The following SPG7 variants were observed in gnomAD, a reference collection of about 807,000 sequenced individuals.
SPG7 encodes SPG7 matrix AAA peptidase subunit, paraplegin.
Under a neutral mutation model 81.9 loss-of-function variants are expected in SPG7, and 103 were observed. That is an observed-to-expected ratio of 1.26 (90% CI 1.07 to 1.48). The LOEUF (loss-of-function observed/expected upper bound fraction) is 1.48, where lower values mean the gene tolerates loss of function less well. SPG7 is among the 40% of genes most tolerant of loss of function. The probability of loss-of-function intolerance (pLI) is 0.00; values close to 1 mark genes in which losing one functional copy is unlikely to be tolerated. For synonymous variants in SPG7, 534 were observed against 444.2 expected (o/e 1.20, Z -2.54); for missense variants, 1,241 against 1,087.3 (o/e 1.14, Z -1.99).
At chr16:89,510,826 G>A (rs374938916) in intron 2 of SPG7, among the ~76,000 whole-genome samples, 6 of 152,088 alleles carry the variant, frequency 3.9e-5, no homozygotes, top group Non-Finnish European at 7.4e-5. Context: ...CGTCACACTC[G>A]GCTAATTGTT....
At chr16:89,531,275 GC>G (rs1312651075) in intron 7 of SPG7, 1 of 266,792 alleles carries the variant, frequency 3.7e-6, no homozygotes, top group African/African-American at 2.2e-5. Flanking sequence ...TGTAGTCCTG[GC>G]ACCTCGGGGC....
intron 3 of SPG7, among the ~76,000 whole-genome samples, chr16:89,513,929 T>C (rs1213395432): frequency 3.3e-5 from 5 of 152,194 alleles, no homozygotes; most frequent in African/African-American, 1.2e-4. Context: ...GGATTATTAT[T>C]GTGAATTCGA....
chr16:89,528,618 T>C (rs2152401568), intron 5 of SPG7: 1 of 150,204 alleles, frequency 6.7e-6, no homozygotes, highest in East Asian at 2.0e-4. Flanking sequence ...TTTTTTTTTT[T>C]TTTTTGGAGT....
At chr16:89,552,839 CCT>C in intron 13 of SPG7, 138 bp from the exon 14 acceptor site, 6 of 776,276 alleles carry the variant, frequency 7.7e-6, no homozygotes, top group Non-Finnish European at 1.1e-5. Flanking sequence ...GTTAGGATCC[CCT>C]GTTGTTGTAG....
At position 89,544,723 on chromosome 16, in the gene SPG7, G is replaced by C. The variant is rs2058541365; in HGVS notation, c.1400G>C (p.Arg467Thr). The C allele has an allele frequency of 1.2e-6, 2 of 1,614,116 alleles. No homozygotes were observed. Among genetic ancestry groups the C allele is most frequent in the Non-Finnish European group, 1.7e-6 (2 of 1,180,010 alleles). The change falls in exon 10 of 17, where the codon AGG becomes ACG. Residue 467 changes from arginine to threonine, a missense_variant. Physicochemically the swap from Arg to Thr is moderately conservative, Grantham distance 71. Coordinates refer to ENST00000645818, the MANE Select transcript of SPG7 (RefSeq NM_003119.4). ...RADILDGALM[R>T]PGRLDRHVFI... is the part of the protein sequence containing the mutation. Reference sequence around the variant, plus strand: ...GACATTTTGGACGGTGCTCTGATGAGGCCAGGCCGACTGGACCGGCACGTC... The same window carrying C: ...GACATTTTGGACGGTGCTCTGATGACGCCAGGCCGACTGGACCGGCACGTC...
At chr16:89,526,590 G>A in intron 5 of SPG7, 122 bp downstream of exon 5, 2 of 1,023,934 alleles carry the variant, frequency 2.0e-6, no homozygotes, top group Non-Finnish European at 3.1e-6. Flanking sequence ...CTTTTTAGTG[G>A]GAGGGTTAAA....
intron 12 of SPG7, chr16:89,549,609 AGTGAGCC>A (rs1188247970): frequency 4.1e-6 from 1 of 242,664 alleles, no homozygotes; most frequent in Non-Finnish European, 8.2e-6. Context: ...TTGAAGCAAC[AGTGAGCC>A]GTGATCGCAC....
In SPG7 at chr16:89,556,966, C is replaced by T. The variant is rs758721226; in HGVS notation, c.2261C>T (p.Pro754Leu). The T allele has an allele frequency of 3.7e-5, 60 of 1,613,910 alleles. 1 individual carries two copies. Among genetic ancestry groups the T allele is most frequent in the South Asian group, 3.5e-4 (32 of 91,090 alleles). The change falls in exon 17 of 17, where the codon CCG becomes CTG. Residue 754 changes from proline (P) to leucine (L), a missense_variant. Transcript: ENST00000645818. ...EALIGPPPHG[P>L]KKMIAPQRWI... is the part of the protein sequence containing the mutation. Reference sequence around the variant, plus strand: ...CTCATTGGCCCGCCGCCCCATGGGCCGAAGAAAATGATCGCACCGCAGAGG... The same window carrying T: ...CTCATTGGCCCGCCGCCCCATGGGCTGAAGAAAATGATCGCACCGCAGAGG...
At chr16:89,536,531 G>T (rs1372404661) in intron 9 of SPG7, among the ~76,000 whole-genome samples, 5 of 145,512 alleles carry the variant, frequency 3.4e-5, no homozygotes, top group African/African-American at 1.3e-4. Flanking sequence ...AGGTGAGGCG[G>T]GTGAGGTCAG....
intron 9 of SPG7, chr16:89,537,232 A>G (rs1051054014): frequency 7.0e-7 from 1 of 1,419,648 alleles, no homozygotes; most frequent in Non-Finnish European, 9.2e-7. Flanking sequence ...AGAAAAGCCC[A>G]AGCCTTGTTG....
At chr16:89,545,303 C>T (rs896782135) in intron 10 of SPG7, 1 of 234,718 alleles carries the variant, frequency 4.3e-6, no homozygotes, top group African/African-American at 2.3e-5. Flanking sequence ...CACTTCCTGG[C>T]CAAAGGGCCT....
At chr16:89,509,786 CTTTTTTT>C (rs34140158) in intron 1 of SPG7, among the ~76,000 whole-genome samples, 6 of 95,126 alleles carry the variant, frequency 6.3e-5, no homozygotes, top group East Asian at 3.4e-4. Flanking sequence ...TTGTTTTCTT[CTTTTTTT>C]TTTTTTTTTT....
At chr16:89,540,668 T>G (rs771012378) in intron 9 of SPG7, 1 of 155,346 alleles carries the variant, frequency 6.4e-6, no homozygotes, top group Non-Finnish European at 1.4e-5. Flanking sequence ...TGTACGCTGC[T>G]GATGGGGGTG....
chr16:89,531,031 A>T lies in SPG7; in HGVS notation c.987+223A>T, dbSNP rs940589328. Reference sequence around the variant, plus strand: ...AGCCAAGCAGAGGCTGCCAAGACCCATGCCTACTGTGCCGTTAGCCGTCCT... The same window carrying T: ...AGCCAAGCAGAGGCTGCCAAGACCCTTGCCTACTGTGCCGTTAGCCGTCCT... On this transcript the variant is annotated intron_variant, in intron 7 of 16. Coordinates refer to ENST00000645818, the MANE Select transcript of SPG7 (RefSeq NM_003119.4). 28 of 649,286 alleles carry T rather than the reference A, an allele frequency of 4.3e-5. No homozygotes were observed. The African/African-American group carries it at 4.8e-4, about 11-fold the overall frequency. 40.2% of individuals were successfully genotyped at this position (649,286 alleles called of 1,614,324 possible). A position where few individuals can be genotyped will look rare whatever the true frequency, so the allele number is the denominator to read the frequency against.
At chr16:89,532,801 A>G in intron 9 of SPG7, 165 bp downstream of exon 9, 5 of 854,754 alleles carry the variant, frequency 5.8e-6, no homozygotes, top group Non-Finnish European at 9.3e-6. Flanking sequence ...TGTAGCTTTC[A>G]GACCCGGCGC....
At chr16:89,520,436 G>A (rs2058170319) in intron 3 of SPG7, 3 of 179,016 alleles carry the variant, frequency 1.7e-5, no homozygotes, top group Non-Finnish European at 3.5e-5. Flanking sequence ...ACTCTTCGTT[G>A]CCCAGGCAGG....
At chr16:89,514,347 A>T in intron 3 of SPG7, 1 of 100,468 alleles carries the variant, frequency 1.0e-5, no homozygotes, top group Non-Finnish European at 1.8e-5. Context: ...TTTTGCCAGA[A>T]TCTCACTCTG....
At chr16:89,546,599 G>T in intron 10 of SPG7, 59 bp from the exon 11 acceptor site, 1 of 1,037,456 alleles carries the variant, frequency 9.6e-7, no homozygotes, top group Non-Finnish European at 1.5e-6. Flanking sequence ...CAAACATGCC[G>T]CACCTGTGGC....
chr16:89,517,616 C>CTTTTTTTTT (rs11318359), intron 3 of SPG7: 2 of 130,314 alleles, frequency 1.5e-5, no homozygotes, highest in Non-Finnish European at 1.6e-5. Flanking sequence ...TTGTCGTCGT[C>CTTTTTTTTT]TTTTTTTTTT....
Sources: allele counts gnomAD v4.1 joint callset (sites outside exome capture counted in the v4.1 genomes callset), GRCh38; gene constraint gnomAD v4.1.1; transcripts MANE v1.5; gene names NCBI Gene and HGNC (gene_info 2026-07-23, HGNC 2026-07-21).